NR2F1-AS1: variants seen among roughly 807,000 people sequenced by gnomAD.
NR2F1-AS1 encodes NR2F1 regulatory antisense RNA 1, also known as NR2F1 antisense RNA 1.
At chr5:93,544,938 A>T (rs1284347379) in intron 4 of NR2F1-AS1, 2 of 151,796 alleles carry the variant, frequency 1.3e-5, no homozygotes, top group African/African-American at 2.4e-5. Context: ...AAAAAAAAAA[A>T]AGAGTTATTC....
At chr5:93,447,397 T>C (rs1469395217) in intron 4 of NR2F1-AS1, among the ~76,000 whole-genome samples, 3 of 151,966 alleles carry the variant, frequency 2.0e-5, no homozygotes, top group South Asian at 2.1e-4. Context: ...GGGCAAAAGA[T>C]AGGAACAGAC....
At chr5:93,425,854 T>C (rs1198484787) in intron 4 of NR2F1-AS1, among the ~76,000 whole-genome samples, 3 of 152,196 alleles carry the variant, frequency 2.0e-5, no homozygotes, top group Non-Finnish European at 4.4e-5. Context: ...ATAGACTGTC[T>C]TTGTACCACC....
At chr5:93,409,692 A>T (rs1028769624) in intron 4 of NR2F1-AS1, 5 of 152,320 alleles carry the variant, frequency 3.3e-5, no homozygotes, top group Admixed American at 6.5e-5. Context: ...GTCCAATTAG[A>T]GCTATTCCTT....
intron 1 of NR2F1-AS1, among the ~76,000 whole-genome samples, chr5:93,564,731 T>C (rs1231204067): frequency 1.3e-5 from 2 of 152,162 alleles, no homozygotes; most frequent in Admixed American, 6.5e-5. Context: ...CAGAGACATA[T>C]ACATGTAAAA....
At chr5:93,481,245 T>C (rs1305210741) in intron 4 of NR2F1-AS1, among the ~76,000 whole-genome samples, 1 of 151,928 alleles carries the variant, frequency 6.6e-6, no homozygotes. Context: ...AAAATGGATT[T>C]TACATCAAAA....
intron 4 of NR2F1-AS1, among the ~76,000 whole-genome samples, chr5:93,457,874 C>A (rs183745763): frequency 9.9e-5 from 15 of 152,148 alleles, no homozygotes; most frequent in African/African-American, 3.4e-4. Flanking sequence ...GTCGATGGTG[C>A]TCAACTGCGG....
At position 93,474,085 on chromosome 5, in the gene NR2F1-AS1, A is replaced by C. The variant is rs189964008; in HGVS notation, n.639-78543T>G. ...ATAAATAAAGCGGAAAGGATTAACT[A>C]AATCAGTTGAGTTAAACTTATAACA... On this transcript the variant is annotated intron_variant and non_coding_transcript_variant, in intron 4 of 5. Transcript: ENST00000660523. Among the ~76,000 whole-genome samples, 136 of 152,294 alleles carry C rather than the reference A, an allele frequency of 8.9e-4. 1 individual carries two copies. Among genetic ancestry groups the C allele is most frequent in the Non-Finnish European group, 1.2e-3 (83 of 68,000 alleles).
intron 4 of NR2F1-AS1, among the ~76,000 whole-genome samples, chr5:93,522,343 C>T (rs1248374723): frequency 6.6e-6 from 1 of 152,112 alleles, no homozygotes; most frequent in Non-Finnish European, 1.5e-5. Context: ...TCACAAGTAT[C>T]CCCGAACCTA....
intron 4 of NR2F1-AS1, among the ~76,000 whole-genome samples, chr5:93,552,788 A>C (rs947966885): frequency 6.6e-6 from 1 of 152,198 alleles, no homozygotes; most frequent in African/African-American, 2.4e-5. Context: ...CCAAAGCAAC[A>C]TAAGTGACTG....
intron 4 of NR2F1-AS1, among the ~76,000 whole-genome samples, chr5:93,430,121 CT>C (rs1749279193): frequency 6.6e-6 from 1 of 152,188 alleles, no homozygotes; most frequent in Non-Finnish European, 1.5e-5. Flanking sequence ...GGCAACTCCC[CT>C]TGGAACTTAG....
At chr5:93,566,807 A>T (rs1162144437) in intron 1 of NR2F1-AS1, among the ~76,000 whole-genome samples, 3 of 152,022 alleles carry the variant, frequency 2.0e-5, no homozygotes, top group African/African-American at 7.2e-5. Context: ...TATTCATTAC[A>T]ACTTAGTTTA....
In NR2F1-AS1 at chr5:93,531,531, T is replaced by C. The variant is rs141516969; in HGVS notation, n.638+22230A>G. 3.5e-4 allele frequency among the ~76,000 whole-genome samples: 54 copies of C among 152,320 alleles called. No individual in the cohort carries two copies. In the East Asian group the frequency reaches 8.9e-3, roughly 25 times the overall value. ...GTTTTTCTTTTCCCGTTGAACTGGG[T>C]GATTTCCTTGTAAATGATCAATACC... On this transcript the variant is annotated intron_variant and non_coding_transcript_variant, in intron 4 of 5. Coordinates refer to ENST00000660523, the Ensembl canonical transcript of NR2F1-AS1.
intron 4 of NR2F1-AS1, among the ~76,000 whole-genome samples, chr5:93,434,907 AG>A (rs1749402463): frequency 6.6e-6 from 1 of 152,258 alleles, no homozygotes; most frequent in Admixed American, 6.5e-5. Context: ...GAATCACATC[AG>A]GAAGTACATG....
intron 4 of NR2F1-AS1, among the ~76,000 whole-genome samples, chr5:93,538,320 A>G (rs1751880371): frequency 6.6e-6 from 1 of 151,998 alleles, no homozygotes; most frequent in Admixed American, 6.6e-5. Flanking sequence ...TAAAAATACA[A>G]AAAATTAGCC....
At chr5:93,422,518 C>G (rs1419076494) in intron 4 of NR2F1-AS1, 1 of 152,060 alleles carries the variant, frequency 6.6e-6, no homozygotes, top group Non-Finnish European at 1.5e-5. Flanking sequence ...TAGGCTGGAG[C>G]AAAAAATGGA....
intron 4 of NR2F1-AS1, among the ~76,000 whole-genome samples, chr5:93,421,767 C>T (rs975178598): frequency 6.6e-6 from 1 of 152,144 alleles, no homozygotes; most frequent in Non-Finnish European, 1.5e-5. Context: ...CACTGGATGC[C>T]GCTGAGATTG....
rs1199155234 is a variant in NR2F1-AS1 at position 93,440,619 on chromosome 5, C to G, written n.639-45077G>C. Among the ~76,000 whole-genome samples, 3 of 152,298 alleles carry G rather than the reference C, an allele frequency of 2.0e-5. No individual in the cohort carries two copies. The South Asian group carries it at 6.2e-4, about 32-fold the overall frequency. On this transcript the variant is annotated intron_variant and non_coding_transcript_variant, in intron 4 of 5. Transcript: ENST00000660523. ...GTCTGGGTTTCTCAGACTCCACAAT[C>G]AAGTAAGCCAGTTTTTTATAGTAAA...
At chr5:93,485,490 G>A (rs775220901) in intron 4 of NR2F1-AS1, among the ~76,000 whole-genome samples, 25 of 152,120 alleles carry the variant, frequency 1.6e-4, no homozygotes, top group Non-Finnish European at 2.8e-4. Context: ...TAGCACTAAC[G>A]CCCTGAGGAG....
At chr5:93,573,696 T>C (rs1752829746) in intron 1 of NR2F1-AS1, among the ~76,000 whole-genome samples, 1 of 152,150 alleles carries the variant, frequency 6.6e-6, no homozygotes, top group African/African-American at 2.4e-5. Flanking sequence ...TTGATGACAG[T>C]GATTTATCGC....
Sources: allele counts gnomAD v4.1 joint callset (sites outside exome capture counted in the v4.1 genomes callset), GRCh38; gene constraint gnomAD v4.1.1; transcripts MANE v1.5; gene names NCBI Gene and HGNC (gene_info 2026-07-23, HGNC 2026-07-21).